Variants in SEC14L2 observed in about 807,000 individuals in gnomAD.
The protein encoded by SEC14L2 is SEC14-like protein 2.
SEC14L2 carries 50 observed loss-of-function variants against 56.9 expected under a neutral mutation model. The observed-to-expected ratio is 0.88, with a 90% CI of 0.70 to 1.11. SEC14L2 has a LOEUF of 1.11. SEC14L2 is among the 50% of genes most tolerant of loss of function. SEC14L2 has a pLI of 0.00. For synonymous variants in SEC14L2, 179 were observed against 188.5 expected, an observed-to-expected ratio of 0.95 and a Z score of 0.41; for missense variants, 414 against 500.7, an observed-to-expected ratio of 0.83 and a Z score of 1.65.
Position 30,407,155 on chromosome 22 carries a change from G to A in SEC14L2, c.234+1G>A, listed in dbSNP as rs1934118883. The A allele has an allele frequency of 6.2e-7, 1 of 1,613,984 alleles. No individual in the cohort carries two copies. The highest frequency in any genetic ancestry group is 8.5e-7 in the Non-Finnish European group (1 of 1,179,990). On this transcript the variant is annotated splice_donor_variant, in intron 4 of 11. Coordinates refer to ENST00000615189, the MANE Select transcript of SEC14L2 (RefSeq NM_012429.5). LOFTEE classifies it high-confidence loss of function. ...CATCATTAGCTGGCAGCCTCCAGAG[G>A]TGAGCACAAATTATCCCACCTCATC...
chr22:30,422,648 A>C lies in SEC14L2; in HGVS notation c.*241A>C. 2.3e-6 allele frequency: 1 copy of C among 425,664 alleles called. No homozygotes were observed. The highest frequency in any genetic ancestry group is 4.2e-6 in the Non-Finnish European group (1 of 237,076). 26.4% of individuals were successfully genotyped at this position (425,664 alleles called of 1,614,324 possible). A position where few individuals can be genotyped will look rare whatever the true frequency, so the allele number is the denominator to read the frequency against. On this transcript the variant is annotated 3_prime_UTR_variant, in exon 12 of 12. Transcript: ENST00000615189. ...CGTGATAGGATCTGTCTGTCCTGTA[A>C]ACTGTGCCAACTTCACCTGTCCAGG...
At chr22:30,407,987 T>C (rs976591060) in intron 5 of SEC14L2, among the ~76,000 whole-genome samples, 1 of 151,754 alleles carries the variant, frequency 6.6e-6, no homozygotes, top group Non-Finnish European at 1.5e-5. Flanking sequence ...TTGCCATCAT[T>C]AACACCCAAA....
intron 2 of SEC14L2, among the ~76,000 whole-genome samples, chr22:30,404,054 GTTC>G (rs200083466): frequency 0.014 from 2,132 of 150,312 alleles, 39 homozygotes; most frequent in Middle Eastern, 0.038. Flanking sequence ...GAAGATAAGG[GTTC>G]TTCTCACAAT....
At chr22:30,405,613 C>A (rs1203419837) in intron 2 of SEC14L2, among the ~76,000 whole-genome samples, 1 of 152,114 alleles carries the variant, frequency 6.6e-6, no homozygotes, top group Non-Finnish European at 1.5e-5. Flanking sequence ...CTCATCAACC[C>A]CTCTATCCCA....
At chr22:30,398,594 G>A (rs1160331686) in intron 1 of SEC14L2, 6 of 427,428 alleles carry the variant, frequency 1.4e-5, no homozygotes, top group Admixed American at 2.5e-5. Flanking sequence ...GCACTTTCCC[G>A]CTTCCTGGCT....
intron 5 of SEC14L2, 145 bp downstream of exon 5, chr22:30,407,748 T>G: frequency 2.9e-6 from 2 of 694,874 alleles, no homozygotes; most frequent in Non-Finnish European, 2.2e-6. Flanking sequence ...AAAACTTTTT[T>G]AGTAGAGACG....
In SEC14L2 at chr22:30,397,052, T is replaced by G; in HGVS notation, c.-65T>G. The G allele has an allele frequency of 7.1e-7, 1 of 1,416,534 alleles. No individual in the cohort carries two copies. The highest frequency in any genetic ancestry group is 9.7e-7 in the Non-Finnish European group (1 of 1,027,404). The allele number at this position is 1,416,534 out of a possible 1,614,324, so 87.7% of individuals were successfully genotyped here. A position where few individuals can be genotyped will look rare whatever the true frequency, so the allele number is the denominator to read the frequency against. On this transcript the variant is annotated 5_prime_UTR_variant, in exon 1 of 12. Coordinates refer to ENST00000615189, the MANE Select transcript of SEC14L2 (RefSeq NM_012429.5). The stretch of plus-strand genomic sequence containing the variant: ...CCGGGTGGCGGCGAGGACGAGTCTG[T>G]GCTCCATCAGCTGCCGCACCCGCCG...
chr22:30,397,885 G>A, intron 1 of SEC14L2: 2 of 471,098 alleles, frequency 4.2e-6, no homozygotes, highest in Non-Finnish European at 8.8e-6. Context: ...GCCTGGCTTT[G>A]CCTTGGCATC....
At chr22:30,406,475 C>A in intron 3 of SEC14L2, 90 bp downstream of exon 3, 2 of 1,342,308 alleles carry the variant, frequency 1.5e-6, no homozygotes, top group Non-Finnish European at 2.1e-6. Context: ...ATCCCAATCA[C>A]AGCTTTTGGC....
chr22:30,414,608 G>A (rs1934337947), intron 8 of SEC14L2, among the ~76,000 whole-genome samples: 1 of 152,182 alleles, frequency 6.6e-6, no homozygotes, highest in Admixed American at 6.5e-5. Context: ...GCCTGGAGCT[G>A]CTGCCTATAT....
At position 30,405,881 on chromosome 22, in the gene SEC14L2, G is replaced by A. The variant is rs971105416; in HGVS notation, c.131-461G>A. On this transcript the variant is annotated intron_variant, in intron 2 of 11. Transcript: ENST00000615189. Reference sequence around the variant, plus strand: ...TTTTGTTTTGTTTTGTTTTTTTGGAGAGACGAGGTCTCACTGTATTGCCCA... The same window carrying A: ...TTTTGTTTTGTTTTGTTTTTTTGGAAAGACGAGGTCTCACTGTATTGCCCA... 3.3e-5 allele frequency among the ~76,000 whole-genome samples: 5 copies of A among 152,030 alleles called. No individual in the cohort carries two copies. In the South Asian group the frequency reaches 1.0e-3, roughly 32 times the overall value.
At chr22:30,397,859 G>A in intron 1 of SEC14L2, 1 of 471,154 alleles carries the variant, frequency 2.1e-6, no homozygotes, top group Non-Finnish European at 4.4e-6. Context: ...ATGCTCCTCA[G>A]AAGGCAAGAA....
chr22:30,420,793 T>C (rs945250997), intron 11 of SEC14L2: 1 of 152,196 alleles, frequency 6.6e-6, no homozygotes, highest in Non-Finnish European at 1.5e-5. Flanking sequence ...GGGATAGGGA[T>C]GGGGCAGAAC....
At chr22:30,403,100 CA>C (rs1337521848) in intron 2 of SEC14L2, among the ~76,000 whole-genome samples, 1 of 152,034 alleles carries the variant, frequency 6.6e-6, no homozygotes, top group Non-Finnish European at 1.5e-5. Context: ...CAAAACAAAA[CA>C]AACAAAAAAA....
In SEC14L2 at chr22:30,407,205, C is replaced by G. The variant is rs559506483; in HGVS notation, c.234+51C>G. ...CCCTATGCTAGGCCTTTCAGACCCA[C>G]AACCTGGGTCCTGGATCCACTGGAT... On this transcript the variant is annotated intron_variant, in intron 4 of 11. Coordinates refer to ENST00000615189, the MANE Select transcript of SEC14L2 (RefSeq NM_012429.5). 1.7e-4 allele frequency: 270 copies of G among 1,586,780 alleles called. 4 individuals carry two copies. The South Asian group carries it at 2.9e-3, about 17-fold the overall frequency.
At chr22:30,401,523 A>AT (rs1000744980) in intron 2 of SEC14L2, among the ~76,000 whole-genome samples, 2 of 145,708 alleles carry the variant, frequency 1.4e-5, no homozygotes, top group South Asian at 2.2e-4. Context: ...TATTATTTTT[A>AT]TTTTTTTTGA....
intron 5 of SEC14L2, among the ~76,000 whole-genome samples, chr22:30,408,848 G>A (rs1253066842): frequency 6.6e-6 from 1 of 152,210 alleles, no homozygotes; most frequent in Non-Finnish European, 1.5e-5. Flanking sequence ...GTCTGTCCTC[G>A]GGCATAAGTG....
chr22:30,403,655 G>A (rs1934001852), intron 2 of SEC14L2, among the ~76,000 whole-genome samples: 1 of 152,166 alleles, frequency 6.6e-6, no homozygotes, highest in Non-Finnish European at 1.5e-5. Context: ...GTTAACTGGA[G>A]AGCCTCCCCA....
intron 1 of SEC14L2, chr22:30,398,743 A>T: frequency 4.2e-6 from 2 of 471,352 alleles, no homozygotes; most frequent in Non-Finnish European, 8.8e-6. Context: ...TCTGCTCCCC[A>T]GCAAACTCCT....
Sources: allele counts gnomAD v4.1 joint callset (sites outside exome capture counted in the v4.1 genomes callset), GRCh38; gene constraint gnomAD v4.1.1; transcripts MANE v1.5; gene names NCBI Gene and HGNC (gene_info 2026-07-23, HGNC 2026-07-21).